TET2: variants seen among roughly 807,000 people sequenced by gnomAD.
TET2 encodes methylcytosine dioxygenase TET2.
TET2 carries 299 observed loss-of-function variants against 142.9 expected under a neutral mutation model. The ratio of observed to expected loss-of-function variants is 2.09; its 90% CI spans 1.90 to 2.30. The LOEUF is 2.30. TET2 is among the 30% of genes most tolerant of loss of function. The pLI is 0.00. For synonymous variants in TET2, 819 were observed against 849.0 expected, an observed-to-expected ratio of 0.96 and a Z score of 0.61; for missense variants, 2,418 against 2,378.0, an observed-to-expected ratio of 1.02 and a Z score of -0.35.
At position 105,206,557 on chromosome 4, in the gene TET2, T is replaced by C. The variant is rs1397738023; in HGVS notation, c.-47+16052T>C. The stretch of plus-strand genomic sequence containing the variant: ...AAGAGATGATGGAGCAGTCTGCTTA[T>C]TTTCTGTAGCACTCCACAACTGACT... On this transcript the variant is annotated intron_variant, in intron 2 of 10. Coordinates refer to ENST00000380013, the MANE Select transcript of TET2 (RefSeq NM_001127208.3). Among the ~76,000 whole-genome samples, 3 of 152,196 alleles carry C rather than the reference T, an allele frequency of 2.0e-5. No homozygotes were observed. In the East Asian group the frequency reaches 5.8e-4, roughly 29 times the overall value.
At chr4:105,246,330 G>T (rs1729581799) in intron 6 of TET2, among the ~76,000 whole-genome samples, 1 of 152,210 alleles carries the variant, frequency 6.6e-6, no homozygotes. Context: ...ATGAAAAATA[G>T]TTGGACCAGA....
intron 2 of TET2, among the ~76,000 whole-genome samples, chr4:105,190,975 A>G (rs889465165): frequency 2.6e-5 from 4 of 152,180 alleles, no homozygotes; most frequent in African/African-American, 7.2e-5. Context: ...TCTTGTGACA[A>G]TTTGGTGCCA....
chr4:105,272,953 G>A (rs1235293226), intron 10 of TET2, 35 bp downstream of exon 10: 2 of 1,453,952 alleles, frequency 1.4e-6, no homozygotes, highest in Non-Finnish European at 1.8e-6. Flanking sequence ...AGATAAATGT[G>A]TTGTGTGGTA....
In TET2 at chr4:105,275,528, CA is replaced by C; in HGVS notation, c.5019del (p.Ile1675SerfsTer20). On this transcript the variant is annotated frameshift_variant, in exon 11 of 11. Coordinates refer to ENST00000380013, the MANE Select transcript of TET2 (RefSeq NM_001127208.3). LOFTEE classifies it low-confidence loss of function (END_TRUNC). ...GACCCTCTGTCTAAGCTCAGTCTAC[CA>C]CCCATCCATACACTTTACCAGCCAA... ...SQDPLSKLSL[P>X]PIHTLYQPRF... The C allele has an allele frequency of 6.4e-7, 1 of 1,551,692 alleles. No homozygotes were observed. Among genetic ancestry groups the C allele is most frequent in the Non-Finnish European group, 8.7e-7 (1 of 1,146,980 alleles).
rs567282962 is a variant in TET2 at position 105,279,442 on chromosome 4, T to C, written c.*2923T>C. On this transcript the variant is annotated 3_prime_UTR_variant, in exon 11 of 11. Coordinates refer to ENST00000380013, the MANE Select transcript of TET2 (RefSeq NM_001127208.3). ...TAATATAGGAATATCAGGTTGACTA[T>C]ATAGCCATACTTGAAAATGCTTCTG... 3 of 232,696 alleles carry C rather than the reference T, an allele frequency of 1.3e-5. No homozygotes were observed. Among genetic ancestry groups the C allele is most frequent in the South Asian group, 3.6e-4 (2 of 5,526 alleles). The allele number at this position is 232,696 out of a possible 1,614,324, so 14.4% of individuals were successfully genotyped here.
chr4:105,188,483 A>G (rs1234923260), intron 1 of TET2, among the ~76,000 whole-genome samples: 1 of 152,230 alleles, frequency 6.6e-6, no homozygotes, highest in Non-Finnish European at 1.5e-5. Flanking sequence ...ACTTAATGCC[A>G]CAGAATAGTA....
intron 6 of TET2, among the ~76,000 whole-genome samples, chr4:105,244,998 T>G (rs1388173191): frequency 6.6e-6 from 1 of 152,254 alleles, no homozygotes; most frequent in Non-Finnish European, 1.5e-5. Flanking sequence ...TAGAATCATT[T>G]GCTGAGCTTA....
At chr4:105,147,630 A>C (rs1246298194) in intron 1 of TET2, 4 of 152,194 alleles carry the variant, frequency 2.6e-5, no homozygotes, top group African/African-American at 9.7e-5. Flanking sequence ...GAAAGAGGAA[A>C]GAATAGTTTC....
intron 2 of TET2, among the ~76,000 whole-genome samples, chr4:105,223,731 A>G (rs956205906): frequency 8.5e-5 from 13 of 152,176 alleles, no homozygotes; most frequent in Non-Finnish European, 1.9e-4. Flanking sequence ...GTGTGGCCAT[A>G]TACATCATCT....
chr4:105,247,914 G>T (rs1027014314), intron 6 of TET2, among the ~76,000 whole-genome samples: 1 of 151,784 alleles, frequency 6.6e-6, no homozygotes, highest in African/African-American at 2.4e-5. Flanking sequence ...TAGAGACGGG[G>T]TTTCGCCATG....
chr4:105,258,016 CCT>C (rs930870769), intron 6 of TET2, among the ~76,000 whole-genome samples: 2 of 152,146 alleles, frequency 1.3e-5, no homozygotes, highest in African/African-American at 4.8e-5. Flanking sequence ...AATCTGGCCT[CCT>C]CTAGTGGCAG....
chr4:105,235,405 A>G lies in TET2; in HGVS notation c.1463A>G (p.Asn488Ser), dbSNP rs758328975. 8 of 1,614,240 alleles carry G rather than the reference A, an allele frequency of 5.0e-6. No homozygotes were observed. Among genetic ancestry groups the G allele is most frequent in the Non-Finnish European group, 6.8e-6 (8 of 1,180,022 alleles). ...CCTCAGAATAATTGTGTGAACAGGA[A>G]TGACATACAGACTGCAGGGACAATG... ...ERPQNNCVNR[N>S]DIQTAGTMTV... Residue 488 changes from asparagine to serine, a missense_variant, in exon 3 of 11, where the codon AAT becomes AGT. Physicochemically the swap from Asn to Ser is conservative, Grantham distance 46 (BLOSUM62 1). Coordinates refer to ENST00000380013, the MANE Select transcript of TET2 (RefSeq NM_001127208.3).
intron 1 of TET2, among the ~76,000 whole-genome samples, chr4:105,175,363 A>G (rs756817975): frequency 7.9e-5 from 12 of 152,180 alleles, no homozygotes; most frequent in Non-Finnish European, 1.8e-4. Context: ...ATGTAAATAT[A>G]GAGACGGAAA....
At chr4:105,267,341 G>A (rs930517767) in intron 8 of TET2, among the ~76,000 whole-genome samples, 2 of 151,828 alleles carry the variant, frequency 1.3e-5, no homozygotes, top group Non-Finnish European at 2.9e-5. Flanking sequence ...ATGGTTAAAA[G>A]ACTTTTAAAA....
At chr4:105,200,671 GT>G (rs757546509) in intron 2 of TET2, among the ~76,000 whole-genome samples, 1 of 150,390 alleles carries the variant, frequency 6.6e-6, no homozygotes, top group African/African-American at 2.5e-5. Context: ...TTTTGTTTTT[GT>G]TTTTTTGGAG....
chr4:105,275,331 A>G lies in TET2; in HGVS notation c.4821A>G (p.Ser1607=). The G allele has an allele frequency of 1.3e-6, 2 of 1,551,896 alleles. No homozygotes were observed. Among genetic ancestry groups the G allele is most frequent in the Non-Finnish European group, 1.7e-6 (2 of 1,147,032 alleles). Residue 1607 remains serine (S), a synonymous_variant, in exon 11 of 11, where the codon TCA becomes TCG. Coordinates refer to ENST00000380013, the MANE Select transcript of TET2 (RefSeq NM_001127208.3). ...FYSTSSQAAG[S]YLNSSNPMNP... is the part of the protein sequence containing the mutation. The stretch of plus-strand genomic sequence containing the variant: ...CCACCTCATCTCAAGCTGCAGGTTC[A>G]TATTTGAATTCTTCTAATCCCATGA...
Position 105,154,783 on chromosome 4 carries a change from G to T in TET2, c.-193+7804G>T, listed in dbSNP as rs201037450. ...CTCACACCTGTAATCCCAGCACTTT[G>T]CGAGGCGGAAGTGGGTGGGTCTCTT... On this transcript the variant is annotated intron_variant, in intron 1 of 10. Coordinates refer to ENST00000380013, the MANE Select transcript of TET2 (RefSeq NM_001127208.3). 2.6e-5 allele frequency among the ~76,000 whole-genome samples: 4 copies of T among 152,174 alleles called. No homozygotes were observed. In the East Asian group the frequency reaches 7.7e-4, roughly 29 times the overall value.
chr4:105,224,089 A>G (rs1032129431), intron 2 of TET2, among the ~76,000 whole-genome samples: 1 of 152,154 alleles, frequency 6.6e-6, no homozygotes, highest in African/African-American at 2.4e-5. Context: ...GTCCCCTTGA[A>G]AAAAAGCTGA....
intron 9 of TET2, among the ~76,000 whole-genome samples, chr4:105,270,122 G>A (rs531752900): frequency 4.0e-4 from 61 of 152,286 alleles, no homozygotes; most frequent in East Asian, 9.7e-4. Context: ...TAGGGACACA[G>A]CCAGACCATA....
Sources: allele counts gnomAD v4.1 joint callset (sites outside exome capture counted in the v4.1 genomes callset), GRCh38; gene constraint gnomAD v4.1.1; transcripts MANE v1.5; gene names NCBI Gene and HGNC (gene_info 2026-07-23, HGNC 2026-07-21).